The following RAD54L2 variants were observed in gnomAD, a reference collection of about 807,000 sequenced individuals.
RAD54L2 encodes the protein RAD54 like 2.
Under a neutral mutation model 138.4 loss-of-function variants are expected in RAD54L2, and 27 were observed. The ratio of observed to expected loss-of-function variants is 0.20; its 90% confidence interval spans 0.14 to 0.27. RAD54L2 has a LOEUF of 0.27. Ranked by LOEUF, RAD54L2 falls within the 10% of genes least tolerant of loss-of-function variation. The probability of loss-of-function intolerance (pLI) is 1.00; values close to 1 mark genes in which losing one functional copy is unlikely to be tolerated. For missense variants in RAD54L2, 1,396 were observed against 1,890.2 expected (o/e 0.74, Z 4.85); for synonymous variants, 644 against 723.2 (o/e 0.89, Z 1.76).
intron 2 of RAD54L2, among the ~76,000 whole-genome samples, chr3:51,552,046 A>G (rs1448368450): frequency 6.6e-6 from 1 of 151,894 alleles, no homozygotes; most frequent in African/African-American, 2.4e-5. Context: ...CACCACGCCC[A>G]GCCTAGGATA....
In RAD54L2 at chr3:51,627,536, T is replaced by C; in HGVS notation, c.140-17T>C. On this transcript the variant is annotated splice_polypyrimidine_tract_variant and intron_variant, in intron 3 of 22. Transcript: ENST00000684192. ...CCTCACCCCTATAAAGCAATGTCTT[T>C]CCCCTTGTTTTTTCAGACCCATCCC... 6.5e-7 allele frequency: 1 copy of C among 1,548,820 alleles called. No individual in the cohort carries two copies. Among genetic ancestry groups the C allele is most frequent in the Non-Finnish European group, 8.7e-7 (1 of 1,146,000 alleles).
chr3:51,557,269 G>A (rs1159502229), intron 2 of RAD54L2, among the ~76,000 whole-genome samples: 5 of 138,672 alleles, frequency 3.6e-5, no homozygotes, highest in Non-Finnish European at 7.5e-5. Flanking sequence ...CTGTAGCCTC[G>A]ACTTCCCAGC....
At chr3:51,641,910 T>G (rs867346301) in intron 15 of RAD54L2, 43 bp downstream of exon 15, 3 of 1,345,854 alleles carry the variant, frequency 2.2e-6, no homozygotes, top group Middle Eastern at 1.8e-4. Context: ...TGGCAAGGTC[T>G]GCTTAAGGGT....
intron 7 of RAD54L2, among the ~76,000 whole-genome samples, chr3:51,631,972 TTCCTCCCCC>T (rs1009196508): frequency 2.0e-5 from 3 of 152,108 alleles, no homozygotes; most frequent in African/African-American, 7.2e-5. Flanking sequence ...CCAACGTCTC[TTCCTCCCCC>T]TCCTCTCCCT....
At chr3:51,646,561 A>G in intron 19 of RAD54L2, 80 bp downstream of exon 19, 10 of 1,355,522 alleles carry the variant, frequency 7.4e-6, no homozygotes, top group Non-Finnish European at 1.0e-5. Flanking sequence ...AAATAAAGGC[A>G]GAGCCTACAA....
In RAD54L2 at chr3:51,662,332, T is replaced by C; in HGVS notation, c.3410-94T>C. The C allele has an allele frequency of 8.0e-7, 1 of 1,251,112 alleles. No homozygotes were observed. The allele number at this position is 1,251,112 out of a possible 1,614,324, so 77.5% of individuals were successfully genotyped here. On this transcript the variant is annotated intron_variant, in intron 22 of 22. Coordinates refer to ENST00000684192, the MANE Select transcript of RAD54L2 (RefSeq NM_015106.4). This position sits in a 1 kb window ranked among gnomAD's most constrained non-coding sequence, Gnocchi z 4.6. ...ATCAAACTATTAGAATTTTGGGGAC[T>C]ACAGGACAGGATTTTTTTTAATGGA...
At chr3:51,589,916 T>C (rs1484023360) in intron 2 of RAD54L2, among the ~76,000 whole-genome samples, 1 of 152,128 alleles carries the variant, frequency 6.6e-6, no homozygotes, top group Non-Finnish European at 1.5e-5. Context: ...AGAACACTCA[T>C]AGGGAAGGTG....
chr3:51,627,408 C>G, intron 3 of RAD54L2, 145 bp from the exon 4 acceptor site: 1 of 734,878 alleles, frequency 1.4e-6, no homozygotes, highest in Non-Finnish European at 2.3e-6. Context: ...GATACATCCA[C>G]TGATGTTCAG....
chr3:51,649,250 A>G (rs1371107824), intron 19 of RAD54L2, among the ~76,000 whole-genome samples: 1 of 152,064 alleles, frequency 6.6e-6, no homozygotes, highest in Non-Finnish European at 1.5e-5. Context: ...AAGTTTAGAG[A>G]AAAAAGAGTA....
chr3:51,663,361 T>A lies in RAD54L2; in HGVS notation c.4345T>A (p.Phe1449Ile), dbSNP rs1701837435. 4 of 1,613,614 alleles carry A rather than the reference T, an allele frequency of 2.5e-6. No individual in the cohort carries two copies. Among genetic ancestry groups the A allele is most frequent in the Non-Finnish European group, 3.4e-6 (4 of 1,179,848 alleles). ...FDSHEVAEVGFSSNDDEDKDD... is the reference protein window; with the variant it reads ...FDSHEVAEVGISSNDDEDKDD... Reference sequence around the variant, plus strand: ...CTCTCATGAGGTTGCCGAGGTTGGGTTCAGCTCCAATGATGATGAGGATAA... The same window carrying A: ...CTCTCATGAGGTTGCCGAGGTTGGGATCAGCTCCAATGATGATGAGGATAA... Residue 1449 changes from phenylalanine (F) to isoleucine (I), a missense_variant, in exon 23 of 23, where the codon TTC becomes ATC. Around this residue, in one of 7 missense-constraint regions of RAD54L2, gnomAD observed 634 missense variants for 711.2 expected, o/e 0.89. Transcript: ENST00000684192.
chr3:51,576,420 T>A (rs1699482755), intron 2 of RAD54L2, among the ~76,000 whole-genome samples: 1 of 152,204 alleles, frequency 6.6e-6, no homozygotes, highest in African/African-American at 2.4e-5. Context: ...TCAGAAGGAA[T>A]GGTACCAGCT....
At chr3:51,549,488 G>A (rs1162677170) in intron 2 of RAD54L2, among the ~76,000 whole-genome samples, 6 of 152,076 alleles carry the variant, frequency 3.9e-5, no homozygotes, top group Admixed American at 2.6e-4. Flanking sequence ...AAGGCTGGGC[G>A]CGGTGGCTTA....
In RAD54L2 at chr3:51,620,258, A is replaced by ATTT. The variant is rs34861378; in HGVS notation, c.140-7277_140-7275dup. On this transcript the variant is annotated intron_variant, in intron 3 of 22. Coordinates refer to ENST00000684192, the MANE Select transcript of RAD54L2 (RefSeq NM_015106.4). ...AGGCCTGCACCACTATGCTCAGCTA[A>ATTT]TTTTTTTTTTTTTTTTTTTTGTAGA... 8.0e-4 allele frequency among the ~76,000 whole-genome samples: 99 copies of ATTT among 123,478 alleles called. 1 individual carries two copies. The highest frequency in any genetic ancestry group is 3.0e-3 in the African/African-American group (93 of 31,274). The allele number at this position is 123,478 out of a possible 152,430, so 81.0% of individuals were successfully genotyped here.
intron 2 of RAD54L2, among the ~76,000 whole-genome samples, chr3:51,588,549 A>G (rs1303080383): frequency 6.6e-6 from 1 of 151,808 alleles, no homozygotes; most frequent in Non-Finnish European, 1.5e-5. Flanking sequence ...AAAAAAAAAA[A>G]AAAAAGAAAA....
chr3:51,556,657 A>G (rs1164010965), intron 2 of RAD54L2, among the ~76,000 whole-genome samples: 1 of 151,298 alleles, frequency 6.6e-6, no homozygotes, highest in East Asian at 1.9e-4. Context: ...GCTCATTGCA[A>G]CCTCCGCCTC....
In RAD54L2 at chr3:51,634,044, C is replaced by T. The variant is rs759210694; in HGVS notation, c.1142+9C>T. ...TTGAATGATGAGCACAAGTAGGTGG[C>T]CTGCCCTTTCCTCTCTGCCCCTTTC... On this transcript the variant is annotated intron_variant, in intron 9 of 22. Coordinates refer to ENST00000684192, the MANE Select transcript of RAD54L2 (RefSeq NM_015106.4). The T allele has an allele frequency of 1.7e-5, 28 of 1,611,446 alleles. 1 individual carries two copies. The highest frequency in any genetic ancestry group is 1.7e-6 in the Non-Finnish European group (2 of 1,179,314).
chr3:51,618,672 A>T (rs1464038325), intron 3 of RAD54L2, among the ~76,000 whole-genome samples: 1 of 152,242 alleles, frequency 6.6e-6, no homozygotes, highest in African/African-American at 2.4e-5. Flanking sequence ...TTTGAGTTAG[A>T]CAATAAGATC....
At chr3:51,612,706 A>C (rs995242168) in intron 3 of RAD54L2, among the ~76,000 whole-genome samples, 13 of 152,040 alleles carry the variant, frequency 8.6e-5, no homozygotes, top group South Asian at 2.1e-4. Context: ...AAAAAAAAAA[A>C]AAACCTGTAA....
At chr3:51,619,649 G>C (rs931049922) in intron 3 of RAD54L2, among the ~76,000 whole-genome samples, 1 of 151,886 alleles carries the variant, frequency 6.6e-6, no homozygotes, top group Non-Finnish European at 1.5e-5. Context: ...TAATTTTTTT[G>C]TGTGTGGCAG....
Sources: gnomAD v4.1 joint callset for allele counts (sites outside exome capture counted in the v4.1 genomes callset) on GRCh38, gnomAD v4.1.1 for gene constraint, gnomAD v4.1.1 regional missense constraint, Gnocchi (gnomAD v3.1) non-coding constraint, MANE v1.5 for transcripts, NCBI Gene and HGNC (gene_info 2026-07-23, HGNC 2026-07-21) for gene names.